The following MARK3 variants were observed in gnomAD, a reference collection of about 807,000 sequenced individuals.
MARK3 encodes the protein microtubule affinity regulating kinase 3.
In MARK3, 46 loss-of-function variants were observed where a neutral mutation model predicts 90.1. The ratio of observed to expected loss-of-function variants is 0.51; its 90% confidence interval spans 0.40 to 0.65. MARK3 has a LOEUF of 0.65. Among genes scored for constraint, MARK3 ranks in the 30% least tolerant of loss-of-function variants. MARK3 has a pLI of 0.00. For missense variants in MARK3, 818 were observed against 947.2 expected, an observed-to-expected ratio of 0.86 and a Z score of 1.79; for synonymous variants, 321 against 332.6, an observed-to-expected ratio of 0.97 and a Z score of 0.38.
chr14:103,411,599 C>T (rs2091633657), intron 2 of MARK3, among the ~76,000 whole-genome samples: 1 of 151,918 alleles, frequency 6.6e-6, no homozygotes, highest in African/African-American at 2.4e-5. Flanking sequence ...GTCAAGTTCC[C>T]CTCCTGATGA....
chr14:103,491,105 T>C, intron 14 of MARK3: 2 of 1,253,698 alleles, frequency 1.6e-6, no homozygotes, highest in Non-Finnish European at 2.1e-6. Flanking sequence ...ACTTCAAGGC[T>C]ATGTAAGAAA....
At chr14:103,438,470 A>G (rs1040015009) in intron 3 of MARK3, among the ~76,000 whole-genome samples, 4 of 152,244 alleles carry the variant, frequency 2.6e-5, no homozygotes, top group Admixed American at 2.0e-4. Flanking sequence ...CCAGTCACTC[A>G]TAGTACTTTC....
intron 12 of MARK3, among the ~76,000 whole-genome samples, chr14:103,470,801 C>A (rs1331867762): frequency 2.6e-5 from 4 of 152,068 alleles, no homozygotes; most frequent in African/African-American, 9.7e-5. Flanking sequence ...TTAATACTTT[C>A]ATCTTGAGAT....
chr14:103,395,537 C>G (rs889721881), intron 1 of MARK3, among the ~76,000 whole-genome samples: 1 of 152,144 alleles, frequency 6.6e-6, no homozygotes, highest in African/African-American at 2.4e-5. Context: ...TGAGATCTCC[C>G]TTCACCCATA....
chr14:103,407,660 A>C (rs962614774), intron 2 of MARK3, among the ~76,000 whole-genome samples: 2 of 138,750 alleles, frequency 1.4e-5, no homozygotes, highest in Non-Finnish European at 3.0e-5. Context: ...TCCTGGGTTC[A>C]AGCAATTCTC....
At chr14:103,502,849 G>C in intron 17 of MARK3, 33 bp from the exon 18 acceptor site, 1 of 1,552,252 alleles carries the variant, frequency 6.4e-7, no homozygotes, top group Non-Finnish European at 8.8e-7. Context: ...TTTCCTGTAC[G>C]ATTAAAAATA....
intron 12 of MARK3, 128 bp downstream of exon 12, chr14:103,468,314 C>CTTCTTTTTTTT (rs1555395510): frequency 2.6e-5 from 3 of 113,980 alleles, no homozygotes; most frequent in African/African-American, 1.7e-4. Context: ...TTTCTTTCTT[C>CTTCTTTTTTTT]TTTTTTTTTT....
At chr14:103,390,091 AT>A (rs2090132429) in intron 1 of MARK3, among the ~76,000 whole-genome samples, 1 of 151,290 alleles carries the variant, frequency 6.6e-6, no homozygotes, top group African/African-American at 2.4e-5. Flanking sequence ...TACCAAAAAT[AT>A]AAAAAATTAG....
chr14:103,463,977 T>C (rs1007855746), intron 7 of MARK3, among the ~76,000 whole-genome samples: 1 of 152,190 alleles, frequency 6.6e-6, no homozygotes, highest in African/African-American at 2.4e-5. Context: ...TCAGACTCTT[T>C]ATTCTGCCTG....
intron 14 of MARK3, chr14:103,491,120 C>T (rs1440903865): frequency 2.2e-5 from 28 of 1,249,998 alleles, no homozygotes; most frequent in Non-Finnish European, 2.9e-5. Context: ...AAGAAAAATG[C>T]ACATTCTTTG....
intron 14 of MARK3, among the ~76,000 whole-genome samples, chr14:103,486,884 TA>T (rs201727322): frequency 6.7e-6 from 1 of 150,104 alleles, no homozygotes; most frequent in African/African-American, 2.5e-5. Context: ...TAATTGCCTT[TA>T]AAATTAGTAT....
At chr14:103,447,293 T>A (rs911529358) in intron 3 of MARK3, among the ~76,000 whole-genome samples, 3 of 151,996 alleles carry the variant, frequency 2.0e-5, no homozygotes, top group African/African-American at 7.2e-5. Context: ...AGCGAGACCC[T>A]GTCTCAAAAA....
chr14:103,498,769 T>C, intron 16 of MARK3: 1 of 260,354 alleles, frequency 3.8e-6, no homozygotes. Context: ...GTATTTTCTT[T>C]CTTTGGTAGA....
intron 5 of MARK3, among the ~76,000 whole-genome samples, chr14:103,452,469 G>GTTT (rs1404035040): frequency 1.2e-5 from 1 of 84,188 alleles, no homozygotes; most frequent in African/African-American, 3.1e-5. Context: ...TACAGGATTT[G>GTTT]TCTTTTTTTT....
rs1307744928 is a variant in MARK3, at chr14:103,385,920, A to T, written c.-110A>T. 1.6e-5 allele frequency: 14 copies of T among 850,138 alleles called. No individual in the cohort carries two copies. Among genetic ancestry groups the T allele is most frequent in the Non-Finnish European group, 2.8e-5 (14 of 496,954 alleles). 52.7% of individuals were successfully genotyped at this position (850,138 alleles called of 1,614,324 possible). ...TAGGGGGAAGGGAGCCGCCCTCCCC[A>T]CGGCGCCTTTTCGGAACTGCCGTGG... On this transcript the variant is annotated 5_prime_UTR_variant, in exon 1 of 18. Coordinates refer to ENST00000429436, the MANE Select transcript of MARK3 (RefSeq NM_001128918.3).
chr14:103,460,926 T>C (rs901792040), intron 6 of MARK3, among the ~76,000 whole-genome samples: 6 of 152,364 alleles, frequency 3.9e-5, no homozygotes, highest in African/African-American at 1.4e-4. Context: ...GGAATTTTTG[T>C]ACCTTTTGTT....
chr14:103,461,335 A>G (rs1364226735), intron 6 of MARK3, among the ~76,000 whole-genome samples: 1 of 152,250 alleles, frequency 6.6e-6, no homozygotes, highest in African/African-American at 2.4e-5. Context: ...TGAAATTTCT[A>G]CAATGACCAT....
chr14:103,405,946 A>C (rs1032435837), intron 2 of MARK3, among the ~76,000 whole-genome samples: 2 of 151,804 alleles, frequency 1.3e-5, no homozygotes, highest in African/African-American at 4.8e-5. Context: ...GCTGGAGTGC[A>C]GTGGCTCAAT....
At chr14:103,496,867 C>G (rs2075371477) in intron 15 of MARK3, among the ~76,000 whole-genome samples, 1 of 151,416 alleles carries the variant, frequency 6.6e-6, no homozygotes, top group Admixed American at 6.6e-5. Context: ...TAATGAGACC[C>G]CCATCTCTAC....
Sources: allele counts gnomAD v4.1 joint callset (sites outside exome capture counted in the v4.1 genomes callset), GRCh38; gene constraint gnomAD v4.1.1; transcripts MANE v1.5; gene names NCBI Gene and HGNC (gene_info 2026-07-23, HGNC 2026-07-21).